PSMD13: variants seen among roughly 807,000 people sequenced by gnomAD.
PSMD13 encodes 26S proteasome non-ATPase regulatory subunit 13.
In PSMD13, 8 loss-of-function variants were observed where a neutral mutation model predicts 57.4. The observed-to-expected ratio is 0.14, with a 90% CI of 0.08 to 0.25. The LOEUF (loss-of-function observed/expected upper bound fraction) is 0.25. PSMD13 is among the 10% of genes least tolerant of loss of function. The probability of loss-of-function intolerance (pLI) is 1.00; values close to 1 mark genes in which losing one functional copy is unlikely to be tolerated. For missense variants in PSMD13, 400 were observed against 461.5 expected (o/e 0.87, Z 1.22); for synonymous variants, 193 against 168.2 (o/e 1.15, Z -1.14).
intron 2 of PSMD13, chr11:243,625 C>T: frequency 2.7e-6 from 1 of 370,696 alleles, no homozygotes; most frequent in Non-Finnish European, 5.2e-6. Flanking sequence ...CTGGGGACCA[C>T]ACGGCAGCGC....
At chr11:247,568 A>C in intron 7 of PSMD13, 120 bp downstream of exon 7, 16 of 1,147,980 alleles carry the variant, frequency 1.4e-5, no homozygotes, top group East Asian at 2.6e-5. Flanking sequence ...ACGGTGGCTC[A>C]CGCCTGTAAT....
intron 1 of PSMD13, 108 bp downstream of exon 1, chr11:237,252 T>A: frequency 1.9e-6 from 2 of 1,054,388 alleles, no homozygotes; most frequent in Non-Finnish European, 1.3e-6. Context: ...CAGACCCAAG[T>A]TGGGGGGAAA....
At chr11:238,944 G>A in intron 1 of PSMD13, 54 bp from the exon 2 acceptor site, 1 of 1,460,716 alleles carries the variant, frequency 6.8e-7, no homozygotes, top group Non-Finnish European at 9.6e-7. Flanking sequence ...CAAGGCTGGA[G>A]GTGTCTGTGA....
intron 7 of PSMD13, 165 bp from the exon 8 acceptor site, chr11:248,611 A>G: frequency 1.5e-6 from 1 of 669,446 alleles, no homozygotes; most frequent in South Asian, 1.9e-5. Context: ...TCTTGGTATA[A>G]TCTAAGTCAA....
rs577508594 is a variant in PSMD13, at chr11:244,995, C to T, written c.396+234C>T. ...TCGCTCTGTTTCCCAGGCTGGAGTG[C>T]AATGGTGCAATCTCGGCCCACCGCA... On this transcript the variant is annotated intron_variant, in intron 6 of 12. Transcript: ENST00000532097. Among the ~76,000 whole-genome samples the T allele has an allele frequency of 1.2e-4, 17 of 147,138 alleles. No homozygotes were observed. In the South Asian group the frequency reaches 3.6e-3, roughly 31 times the overall value.
At chr11:243,970 T>C (rs1859577372) in intron 2 of PSMD13, 71 bp from the exon 3 acceptor site, 4 of 1,458,254 alleles carry the variant, frequency 2.7e-6, no homozygotes, top group Non-Finnish European at 3.8e-6. Context: ...TTACCAAAGA[T>C]AGTGTTTGGG....
chr11:248,973 G>A lies in PSMD13; in HGVS notation c.690G>A (p.Arg230=). ...TGGAGTCCCTGAGGAATACTGACCG[G>A]CAGTGGCTGATTGACACCCTCTATG... ...PVLESLRNTD[R]QWLIDTLYAF... is the part of the protein sequence containing the mutation. Residue 230 remains arginine, a synonymous_variant, in exon 9 of 13, where the codon CGG becomes CGA. Transcript: ENST00000532097. 6.2e-7 allele frequency: 1 copy of A among 1,614,106 alleles called. No homozygotes were observed. Among genetic ancestry groups the A allele is most frequent in the Non-Finnish European group, 8.5e-7 (1 of 1,180,024 alleles).
At chr11:245,641 C>CGTGTGT (rs4029226) in intron 6 of PSMD13, among the ~76,000 whole-genome samples, 36 of 122,430 alleles carry the variant, frequency 2.9e-4, no homozygotes, top group Middle Eastern at 4.2e-3. Context: ...TGAACCAGAA[C>CGTGTGT]GTGTGTGTGT....
rs558895864 is a variant in PSMD13 at position 252,304 on chromosome 11, C to G, written c.1036-201C>G. The G allele has an allele frequency of 5.5e-5, 31 of 564,672 alleles. No homozygotes were observed. The highest frequency in any genetic ancestry group is 5.0e-4 in the South Asian group (23 of 46,052). 35.0% of individuals were successfully genotyped at this position (564,672 alleles called of 1,614,324 possible). On this transcript the variant is annotated intron_variant, in intron 12 of 12. Transcript: ENST00000532097. This position sits in a 1 kb window ranked among gnomAD's most constrained non-coding sequence, Gnocchi z 4.1. ...CTGTCCTTGTCTGCTTTCTTTCATGCAAGTTTTTTCTAACGTTCCTGTGAA... is the reference window on the plus strand; with the variant it reads ...CTGTCCTTGTCTGCTTTCTTTCATGGAAGTTTTTTCTAACGTTCCTGTGAA...
chr11:245,034 G>A (rs1019793879), intron 6 of PSMD13, among the ~76,000 whole-genome samples: 3 of 150,800 alleles, frequency 2.0e-5, no homozygotes, highest in Admixed American at 1.3e-4. Context: ...TCCGCCTCAC[G>A]GGTTCAAGCA....
chr11:244,753 G>C lies in PSMD13; in HGVS notation c.388G>C (p.Val130Leu). 1 of 1,609,478 alleles carries C rather than the reference G, an allele frequency of 6.2e-7. No homozygotes were observed. The highest frequency in any genetic ancestry group is 8.5e-7 in the Non-Finnish European group (1 of 1,176,332). Reference protein sequence around the residue: ...ALKLNIGDLQVTKETIEDVEE... With the variant: ...ALKLNIGDLQLTKETIEDVEE... ...AAAATTAAACATCGGGGACCTACAG[G>C]TTACAAAGGTGAGATCACCATAATA... Residue 130 changes from valine to leucine, a missense_variant, in exon 6 of 13, where the codon GTT becomes CTT. Coordinates refer to ENST00000532097, the MANE Select transcript of PSMD13 (RefSeq NM_002817.4).
In PSMD13 at chr11:237,038, C is replaced by T; in HGVS notation, c.-12C>T. On this transcript the variant is annotated 5_prime_UTR_variant, in exon 1 of 13. Transcript: ENST00000532097. ...CCGGTTGTTCTTCTGTGCCGGGGGT[C>T]TTCCTGCTGTCATGAAGGACGTACC... is the stretch of plus-strand genomic sequence containing the variant. 1.9e-6 allele frequency: 3 copies of T among 1,607,424 alleles called. No homozygotes were observed. Among genetic ancestry groups the T allele is most frequent in the Non-Finnish European group, 2.6e-6 (3 of 1,174,184 alleles).
rs1201414689 is a variant in PSMD13 at position 251,318 on chromosome 11, A to G, written c.838-228A>G. ...TCAAGTACTTGTTCGGGGATTGAAC[A>G]ATGGCTACTGTCAGAAACTCCTGTA... On this transcript the variant is annotated intron_variant, in intron 10 of 12. Transcript: ENST00000532097. This position sits in a 1 kb window ranked among gnomAD's most constrained non-coding sequence, Gnocchi z 4.6. 1 of 543,180 alleles carries G rather than the reference A, an allele frequency of 1.8e-6. No individual in the cohort carries two copies. Among genetic ancestry groups the G allele is most frequent in the Non-Finnish European group, 3.2e-6 (1 of 308,192 alleles). 33.6% of individuals were successfully genotyped at this position (543,180 alleles called of 1,614,324 possible).
chr11:249,543 A>G (rs901164985), intron 9 of PSMD13, among the ~76,000 whole-genome samples: 12 of 117,626 alleles, frequency 1.0e-4, no homozygotes, highest in South Asian at 9.5e-4. Context: ...CGGTGGGTGC[A>G]GGGAGGGGGA....
Position 252,740 on chromosome 11 carries a change from C to G in PSMD13, c.*140C>G. On this transcript the variant is annotated 3_prime_UTR_variant, in exon 13 of 13. Coordinates refer to ENST00000532097, the MANE Select transcript of PSMD13 (RefSeq NM_002817.4). The surrounding 1 kb of genome is among the most constrained non-coding windows in gnomAD (Gnocchi z 4.1). ...GTCTGAAGTACAGACTGTTCTTGCT[C>G]TAAAAACAGGACTGTCCCTGATGGG... is the stretch of plus-strand genomic sequence containing the variant. The G allele has an allele frequency of 1.4e-6, 1 of 737,104 alleles. No individual in the cohort carries two copies. The highest frequency in any genetic ancestry group is 2.2e-6 in the Non-Finnish European group (1 of 445,860). 45.7% of individuals were successfully genotyped at this position (737,104 alleles called of 1,614,324 possible).
At chr11:246,124 G>A (rs1420914719) in intron 6 of PSMD13, among the ~76,000 whole-genome samples, 1 of 152,178 alleles carries the variant, frequency 6.6e-6, no homozygotes, top group Non-Finnish European at 1.5e-5. Context: ...TCAGAGTCAT[G>A]TGGGTATGTG....
At chr11:247,475 A>G in intron 7 of PSMD13, 27 bp downstream of exon 7, 1 of 1,602,772 alleles carries the variant, frequency 6.2e-7, no homozygotes, top group Non-Finnish European at 8.5e-7. Flanking sequence ...AATCCATGTC[A>G]CACAGGAGCA....
At chr11:244,638 A>C (rs2133987009) in intron 5 of PSMD13, 37 bp from the exon 6 acceptor site, 1 of 1,586,156 alleles carries the variant, frequency 6.3e-7, no homozygotes, top group Non-Finnish European at 8.6e-7. Flanking sequence ...AACTGCCCAC[A>C]TTCTGAGGTT....
Position 251,174 on chromosome 11 carries a change from G to A in PSMD13, c.837+309G>A, listed in dbSNP as rs146358749. ...TGCAGTTGTTGCCTCATTGCATGTC[G>A]CTTCTTGTGTACACGCACATCTGTC... On this transcript the variant is annotated intron_variant, in intron 10 of 12. Transcript: ENST00000532097. This position sits in a 1 kb window ranked among gnomAD's most constrained non-coding sequence, Gnocchi z 4.6. The A allele has an allele frequency of 2.6e-5, 12 of 456,290 alleles. No homozygotes were observed. Among genetic ancestry groups the A allele is most frequent in the Middle Eastern group, 6.2e-4 (1 of 1,624 alleles). The allele number at this position is 456,290 out of a possible 1,614,324, so 28.3% of individuals were successfully genotyped here. A position where few individuals can be genotyped will look rare whatever the true frequency, so the allele number is the denominator to read the frequency against.
Sources: gnomAD v4.1 joint callset for allele counts (sites outside exome capture counted in the v4.1 genomes callset) on GRCh38, gnomAD v4.1.1 for gene constraint, Gnocchi (gnomAD v3.1) non-coding constraint, MANE v1.5 for transcripts, NCBI Gene and HGNC (gene_info 2026-07-23, HGNC 2026-07-21) for gene names.